The following PIKFYVE variants were observed in gnomAD, a reference collection of about 807,000 sequenced individuals.
PIKFYVE encodes 1-phosphatidylinositol 3-phosphate 5-kinase.
A neutral mutation model predicts 257.9 loss-of-function variants in PIKFYVE; 122 were observed. That is an observed-to-expected ratio of 0.47 (90% CI 0.41 to 0.55). The LOEUF is 0.55. PIKFYVE is among the 20% of genes least tolerant of loss of function. The pLI, the probability that PIKFYVE is intolerant of heterozygous loss-of-function variation, is 0.00. For missense variants in PIKFYVE, 2,160 were observed against 2,536.6 expected, an observed-to-expected ratio of 0.85 and a Z score of 3.19; for synonymous variants, 892 against 868.9, an observed-to-expected ratio of 1.03 and a Z score of -0.47.
At position 208,328,284 on chromosome 2, in the gene PIKFYVE, G is replaced by A; in HGVS notation, c.3719+4G>A. ...CTAGTGCCTGTGTCAGTCCTTGGTA[G>A]GATTCTTTTCCCCCTACACTATTCC... is the stretch of plus-strand genomic sequence containing the variant. On this transcript the variant is annotated splice_donor_region_variant and intron_variant, in intron 21 of 41. Coordinates refer to ENST00000264380, the MANE Select transcript of PIKFYVE (RefSeq NM_015040.4). The A allele has an allele frequency of 6.2e-7, 1 of 1,613,456 alleles. No homozygotes were observed. Among genetic ancestry groups the A allele is most frequent in the Non-Finnish European group, 8.5e-7 (1 of 1,179,726 alleles).
chr2:208,353,914 G>A lies in PIKFYVE; in HGVS notation c.5861G>A (p.Gly1954Asp). The A allele has an allele frequency of 6.2e-7, 1 of 1,613,708 alleles. No individual in the cohort carries two copies. The highest frequency in any genetic ancestry group is 8.5e-7 in the Non-Finnish European group (1 of 1,179,854). Residue 1954 changes from glycine (G) to aspartate (D), a missense_variant, in exon 40 of 42, where the codon GGC becomes GAC. Transcript: ENST00000264380. Reference protein sequence around the residue: ...RKMAQVFDLKGSLRNRNVKTD... With the variant: ...RKMAQVFDLKDSLRNRNVKTD... ...TTTTACTAGGTTTTTGATTTGAAGG[G>A]CTCTCTTAGGAATCGGAATGTAAAA...
chr2:208,293,023 T>A (rs1692507309), intron 7 of PIKFYVE, among the ~76,000 whole-genome samples: 1 of 152,158 alleles, frequency 6.6e-6, no homozygotes, highest in Non-Finnish European at 1.5e-5. Context: ...TTTATGTATT[T>A]AATTGAGCAT....
chr2:208,343,417 T>G (rs1390079996), intron 32 of PIKFYVE, among the ~76,000 whole-genome samples: 2 of 152,234 alleles, frequency 1.3e-5, no homozygotes, highest in South Asian at 2.1e-4. Context: ...GGATATGTTC[T>G]AAGAACCCCT....
In PIKFYVE at chr2:208,355,742, A is replaced by G. The variant is rs1700124994; in HGVS notation, c.*437A>G. On this transcript the variant is annotated 3_prime_UTR_variant, in exon 42 of 42. Coordinates refer to ENST00000264380, the MANE Select transcript of PIKFYVE (RefSeq NM_015040.4). ...TGAATTTGTTTTGTGTTTTTCTGTA[A>G]TAATTTAATGTTACTTATTATCAGA... The G allele has an allele frequency of 6.5e-6, 1 of 154,188 alleles. No individual in the cohort carries two copies. The highest frequency in any genetic ancestry group is 2.4e-5 in the African/African-American group (1 of 41,466). The allele number at this position is 154,188 out of a possible 1,614,324, so 9.6% of individuals were successfully genotyped here.
intron 38 of PIKFYVE, 117 bp from the exon 39 acceptor site, chr2:208,352,537 C>T: frequency 8.2e-7 from 1 of 1,223,986 alleles, no homozygotes. Context: ...TTTCAAAGTC[C>T]TTTGGTCATA....
intron 5 of PIKFYVE, among the ~76,000 whole-genome samples, chr2:208,280,186 CAT>C (rs1240300424): frequency 8.5e-5 from 13 of 152,258 alleles, no homozygotes; most frequent in African/African-American, 3.1e-4. Flanking sequence ...CTAGGTCTGC[CAT>C]AACACAGTAC....
intron 2 of PIKFYVE, 87 bp from the exon 3 acceptor site, chr2:208,273,497 A>T: frequency 6.6e-7 from 1 of 1,525,360 alleles, no homozygotes; most frequent in Non-Finnish European, 9.1e-7. Context: ...ATACATGCAT[A>T]CATTGTTGCC....
At chr2:208,266,708 C>T (rs1310751334) in intron 1 of PIKFYVE, among the ~76,000 whole-genome samples, 1 of 152,232 alleles carries the variant, frequency 6.6e-6, no homozygotes, top group Admixed American at 6.5e-5. Flanking sequence ...TCGACCCTTA[C>T]GCCTGAACTT....
chr2:208,330,294 C>G (rs1054808516), intron 22 of PIKFYVE, among the ~76,000 whole-genome samples: 3 of 152,140 alleles, frequency 2.0e-5, no homozygotes, highest in African/African-American at 7.2e-5. Flanking sequence ...ATAACAATCC[C>G]TAGAATTATC....
In PIKFYVE at chr2:208,328,351, A is replaced by T. The variant is rs547699807; in HGVS notation, c.3719+71A>T. The T allele has an allele frequency of 1.5e-5, 24 of 1,588,104 alleles. No individual in the cohort carries two copies. In the African/African-American group the frequency reaches 3.0e-4, roughly 20 times the overall value. On this transcript the variant is annotated intron_variant, in intron 21 of 41. Transcript: ENST00000264380. ...CCAGCAATTAAAAAAAAACAAAAACAAAAAAACAGTCATTAGGACCTGTAT... is the reference window on the plus strand; with the variant it reads ...CCAGCAATTAAAAAAAAACAAAAACTAAAAAACAGTCATTAGGACCTGTAT...
intron 1 of PIKFYVE, chr2:208,269,977 A>G: frequency 4.6e-6 from 1 of 218,782 alleles, no homozygotes; most frequent in Non-Finnish European, 1.0e-5. Flanking sequence ...TGGCCAAAGG[A>G]CAGTGTGCGG....
chr2:208,327,150 C>T (rs920316550), intron 20 of PIKFYVE, among the ~76,000 whole-genome samples: 1 of 151,990 alleles, frequency 6.6e-6, no homozygotes, highest in Non-Finnish European at 1.5e-5. Flanking sequence ...TTTTATTTGT[C>T]AGATTGACAA....
chr2:208,326,708 A>C (rs1696963676), intron 20 of PIKFYVE, among the ~76,000 whole-genome samples: 1 of 152,172 alleles, frequency 6.6e-6, no homozygotes, highest in South Asian at 2.1e-4. Context: ...AGCTGCTTAA[A>C]ATTTCTGACA....
intron 35 of PIKFYVE, among the ~76,000 whole-genome samples, chr2:208,349,076 C>T (rs1699513066): frequency 6.6e-6 from 1 of 152,028 alleles, no homozygotes; most frequent in Non-Finnish European, 1.5e-5. Flanking sequence ...GGCACGAGAA[C>T]TGCATGAACC....
chr2:208,330,391 C>A (rs961170803), intron 22 of PIKFYVE, 132 bp from the exon 23 acceptor site: 1 of 1,018,716 alleles, frequency 9.8e-7, no homozygotes. Context: ...TAGCTGAAGA[C>A]GATGTTCAGC....
At position 208,266,664 on chromosome 2, in the gene PIKFYVE, C is replaced by T. The variant is rs557337336; in HGVS notation, c.-10+249C>T. Reference sequence around the variant, plus strand: ...AAGCCGGGTGGGGCCCTTGAGATTTCCTTGGAAACATTTGAAGTTCCTTTG... The same window carrying T: ...AAGCCGGGTGGGGCCCTTGAGATTTTCTTGGAAACATTTGAAGTTCCTTTG... On this transcript the variant is annotated intron_variant, in intron 1 of 41. Transcript: ENST00000264380. Among the ~76,000 whole-genome samples the T allele has an allele frequency of 9.2e-5, 14 of 152,318 alleles. No homozygotes were observed. The East Asian group carries it at 1.5e-3, about 17-fold the overall frequency.
chr2:208,303,638 C>G (rs1693987589), intron 10 of PIKFYVE, among the ~76,000 whole-genome samples: 1 of 152,098 alleles, frequency 6.6e-6, no homozygotes, highest in Non-Finnish European at 1.5e-5. Flanking sequence ...CTTTTGCTGT[C>G]TCAGGGGTAG....
intron 23 of PIKFYVE, among the ~76,000 whole-genome samples, chr2:208,332,749 A>G (rs377415403): frequency 1.3e-5 from 2 of 152,076 alleles, no homozygotes; most frequent in African/African-American, 4.8e-5. Flanking sequence ...ATGTATGTAT[A>G]TATGTATATG....
chr2:208,355,379 G>A lies in PIKFYVE; in HGVS notation c.*74G>A. 6.7e-6 allele frequency: 8 copies of A among 1,192,708 alleles called. No individual in the cohort carries two copies. The highest frequency in any genetic ancestry group is 9.9e-6 in the Non-Finnish European group (8 of 808,682). The allele number at this position is 1,192,708 out of a possible 1,614,324, so 73.9% of individuals were successfully genotyped here. ...ACAAAGGACCAAAAATAAGCTACAT[G>A]TTTTATTTCTTCATCGTGTTCACCA... is the stretch of plus-strand genomic sequence containing the variant. On this transcript the variant is annotated 3_prime_UTR_variant, in exon 42 of 42. Coordinates refer to ENST00000264380, the MANE Select transcript of PIKFYVE (RefSeq NM_015040.4).
Sources: allele counts gnomAD v4.1 joint callset (sites outside exome capture counted in the v4.1 genomes callset), GRCh38; gene constraint gnomAD v4.1.1; transcripts MANE v1.5; gene names NCBI Gene and HGNC (gene_info 2026-07-23, HGNC 2026-07-21).